The following KCNIP4 variants were observed in gnomAD, a reference collection of about 807,000 sequenced individuals.
KCNIP4 encodes potassium voltage-gated channel interacting protein 4.
KCNIP4 carries 12 observed loss-of-function variants against 34.0 expected under a neutral mutation model. The observed-to-expected ratio is 0.35, with a 90% CI of 0.23 to 0.57. The LOEUF is 0.57. KCNIP4 is among the 20% of genes least tolerant of loss of function. The probability of loss-of-function intolerance (pLI) is 0.83; values close to 1 mark genes in which losing one functional copy is unlikely to be tolerated. For missense variants in KCNIP4, 238 were observed against 311.7 expected, an observed-to-expected ratio of 0.76 and a Z score of 1.78; for synonymous variants, 124 against 102.2, an observed-to-expected ratio of 1.21 and a Z score of -1.29.
At chr4:21,899,666 TA>T (rs1000276698) in intron 1 of KCNIP4, among the ~76,000 whole-genome samples, 57 of 151,738 alleles carry the variant, frequency 3.8e-4, no homozygotes, top group Non-Finnish European at 7.5e-4. Context: ...AAAAAGGAAT[TA>T]AAAAAAGTAA....
chr4:21,215,922 C>A (rs893530698), intron 1 of KCNIP4, among the ~76,000 whole-genome samples: 1 of 152,056 alleles, frequency 6.6e-6, no homozygotes, highest in African/African-American at 2.4e-5. Flanking sequence ...CCCAAGCCAT[C>A]CTCCTACTTC....
At chr4:21,301,148 C>T (rs1341613980) in intron 1 of KCNIP4, among the ~76,000 whole-genome samples, 1 of 152,048 alleles carries the variant, frequency 6.6e-6, no homozygotes, top group East Asian at 1.9e-4. Flanking sequence ...AGGACCTAAT[C>T]CCCAGTCTTC....
intron 1 of KCNIP4, among the ~76,000 whole-genome samples, chr4:21,139,414 A>G (rs548457004): frequency 6.6e-6 from 1 of 152,324 alleles, no homozygotes; most frequent in East Asian, 1.9e-4. Flanking sequence ...ACTAGGTAAA[A>G]TGGTCATTAG....
At chr4:21,374,848 C>G (rs1720825785) in intron 1 of KCNIP4, among the ~76,000 whole-genome samples, 1 of 147,382 alleles carries the variant, frequency 6.8e-6, no homozygotes, top group Non-Finnish European at 1.5e-5. Flanking sequence ...GACAGCTGGG[C>G]AGAGAGCCTC....
In KCNIP4 at chr4:21,669,390, T is replaced by C. The variant is rs540502515; in HGVS notation, c.61+279181A>G. Among the ~76,000 whole-genome samples the C allele has an allele frequency of 5.9e-5, 9 of 152,344 alleles. No individual in the cohort carries two copies. In the East Asian group the frequency reaches 1.2e-3, roughly 20 times the overall value. On this transcript the variant is annotated intron_variant, in intron 1 of 8. Coordinates refer to ENST00000382152, the MANE Select transcript of KCNIP4 (RefSeq NM_025221.6). Reference sequence around the variant, plus strand: ...CTAGGATTACAGGCATGAGACACCATGCCCAGCCATAATTTTCTTAATAAC... The same window carrying C: ...CTAGGATTACAGGCATGAGACACCACGCCCAGCCATAATTTTCTTAATAAC...
intron 1 of KCNIP4, among the ~76,000 whole-genome samples, chr4:21,791,132 G>A (rs1276633983): frequency 6.6e-6 from 1 of 152,124 alleles, no homozygotes. Flanking sequence ...CTGGAAGCTG[G>A]AAGTCTGAGG....
intron 1 of KCNIP4, among the ~76,000 whole-genome samples, chr4:20,953,994 GT>G (rs1289084474): frequency 9.9e-5 from 15 of 152,114 alleles, no homozygotes; most frequent in Admixed American, 9.8e-4. Flanking sequence ...TATCCTTTCT[GT>G]GCAGGATTTT....
chr4:20,837,662 C>CTA (rs36015537), intron 3 of KCNIP4, among the ~76,000 whole-genome samples: 20 of 138,074 alleles, frequency 1.4e-4, no homozygotes, highest in East Asian at 1.2e-3. Flanking sequence ...GTTGTCAGTG[C>CTA]TATATATATA....
intron 3 of KCNIP4, among the ~76,000 whole-genome samples, chr4:20,783,156 C>T (rs1317629331): frequency 6.6e-6 from 1 of 152,210 alleles, no homozygotes; most frequent in African/African-American, 2.4e-5. Flanking sequence ...GTCCATATCA[C>T]TATTAGCATT....
chr4:21,145,062 G>T (rs1032326043), intron 1 of KCNIP4, among the ~76,000 whole-genome samples: 3 of 152,012 alleles, frequency 2.0e-5, no homozygotes, highest in African/African-American at 7.2e-5. Flanking sequence ...AACAATCTTA[G>T]AACTTCTTAT....
At chr4:20,804,520 A>G (rs1263022443) in intron 3 of KCNIP4, among the ~76,000 whole-genome samples, 2 of 152,104 alleles carry the variant, frequency 1.3e-5, no homozygotes, top group Non-Finnish European at 2.9e-5. Context: ...ATCTACAACC[A>G]GCTTGGAATA....
At chr4:21,729,812 CAT>C (rs1382136665) in intron 1 of KCNIP4, 3 of 152,094 alleles carry the variant, frequency 2.0e-5, no homozygotes, top group African/African-American at 7.2e-5. Context: ...TTTTACAAAA[CAT>C]AAAAGTATTT....
chr4:21,559,147 G>C (rs1349400091), intron 1 of KCNIP4, among the ~76,000 whole-genome samples: 1 of 152,038 alleles, frequency 6.6e-6, no homozygotes, highest in African/African-American at 2.4e-5. Context: ...ACCTGAATAA[G>C]TCTATTTATG....
intron 1 of KCNIP4, among the ~76,000 whole-genome samples, chr4:21,244,875 G>T (rs1028578800): frequency 1.4e-4 from 22 of 152,130 alleles, no homozygotes; most frequent in African/African-American, 1.7e-4. Flanking sequence ...ATTGAATATT[G>T]CTTATGCACT....
chr4:21,804,959 C>T (rs1219140405), intron 1 of KCNIP4, among the ~76,000 whole-genome samples: 2 of 152,116 alleles, frequency 1.3e-5, no homozygotes, highest in South Asian at 2.1e-4. Flanking sequence ...GAAATGACTA[C>T]AATTCAATGG....
chr4:21,695,430 C>CT (rs5856656), intron 1 of KCNIP4, among the ~76,000 whole-genome samples: 45,185 of 147,766 alleles, frequency 0.31, 8,609 homozygotes, highest in Non-Finnish European at 0.43. Context: ...TGTGCTTCTT[C>CT]TTTTTTTTTT....
At chr4:21,345,782 C>A (rs1051687921) in intron 1 of KCNIP4, among the ~76,000 whole-genome samples, 1 of 151,952 alleles carries the variant, frequency 6.6e-6, no homozygotes, top group Non-Finnish European at 1.5e-5. Context: ...TAACAACCAT[C>A]TCCTTAAAAA....
At chr4:21,532,207 G>A (rs1736740001) in intron 1 of KCNIP4, among the ~76,000 whole-genome samples, 1 of 152,018 alleles carries the variant, frequency 6.6e-6, no homozygotes, top group South Asian at 2.1e-4. Context: ...TTGAAAATCA[G>A]GTTTTCTTCA....
intron 1 of KCNIP4, among the ~76,000 whole-genome samples, chr4:21,285,866 AACAAC>A (rs1763090252): frequency 6.6e-6 from 1 of 152,110 alleles, no homozygotes; most frequent in Non-Finnish European, 1.5e-5. Flanking sequence ...AACATAAATA[AACAAC>A]ACAAAAGCAT....
Sources: gnomAD v4.1 joint callset for allele counts (sites outside exome capture counted in the v4.1 genomes callset) on GRCh38, gnomAD v4.1.1 for gene constraint, MANE v1.5 for transcripts, NCBI Gene and HGNC (gene_info 2026-07-23, HGNC 2026-07-21) for gene names.